Variants in SLC25A43 observed in about 807,000 individuals in gnomAD.
SLC25A43 encodes the protein solute carrier family 25, member 43.
A neutral mutation model predicts 22.8 loss-of-function variants in SLC25A43; 10 were observed. The observed-to-expected ratio is 0.44, with a 90% CI of 0.27 to 0.74. The LOEUF (loss-of-function observed/expected upper bound fraction) is 0.74, where lower values mean the gene tolerates loss of function less well. Among genes scored for constraint, SLC25A43 ranks in the 30% least tolerant of loss-of-function variants. The pLI, the probability that SLC25A43 is intolerant of heterozygous loss-of-function variation, is 0.17. For missense variants in SLC25A43, 233 were observed against 279.1 expected, an observed-to-expected ratio of 0.83 and a Z score of 1.18; for synonymous variants, 106 against 121.6, an observed-to-expected ratio of 0.87 and a Z score of 0.84.
intron 3 of SLC25A43, among the ~76,000 whole-genome samples, chrX:119,443,686 C>G (rs1221319722): frequency 4.5e-5 from 5 of 110,092 alleles, no homozygotes; most frequent in East Asian, 2.8e-4. Flanking sequence ...AGGCATAACT[C>G]AAAAGTTTCA....
chrX:119,401,097 G>A (rs1448646609), intron 1 of SLC25A43, among the ~76,000 whole-genome samples: 1 of 111,540 alleles, frequency 9.0e-6, no homozygotes, highest in East Asian at 2.8e-4. Flanking sequence ...CTCCTGCCCT[G>A]TAAGGTCCAT....
intron 3 of SLC25A43, among the ~76,000 whole-genome samples, chrX:119,415,316 C>T (rs1191029886): frequency 2.7e-5 from 3 of 111,242 alleles, no homozygotes; most frequent in Non-Finnish European, 5.7e-5. Context: ...AGCAATCCTA[C>T]CCATCTCAAA....
intron 1 of SLC25A43, among the ~76,000 whole-genome samples, chrX:119,404,558 G>A (rs1404036040): frequency 9.0e-6 from 1 of 111,690 alleles, no homozygotes; most frequent in Non-Finnish European, 1.9e-5. Flanking sequence ...CATCCAGAAG[G>A]TTCCCAAACC....
chrX:119,446,827 C>T (rs1303196988), intron 3 of SLC25A43, among the ~76,000 whole-genome samples: 1 of 112,314 alleles, frequency 8.9e-6, no homozygotes, highest in Non-Finnish European at 1.9e-5. Flanking sequence ...ATTAAAAAGA[C>T]CCAGTCCTCA....
intron 3 of SLC25A43, among the ~76,000 whole-genome samples, chrX:119,424,073 C>T (rs2052481481): frequency 9.1e-6 from 1 of 109,457 alleles, no homozygotes; most frequent in African/African-American, 3.3e-5. Context: ...ATTAGCCGGG[C>T]GTGGTGGTGG....
intron 3 of SLC25A43, among the ~76,000 whole-genome samples, chrX:119,443,116 C>CTTTTTTTTTTT: frequency 1.4e-5 from 1 of 73,457 alleles, no homozygotes; most frequent in Non-Finnish European, 2.5e-5. Flanking sequence ...CATTCTCTCT[C>CTTTTTTTTTTT]TTTTTTTTTT....
chrX:119,419,234 C>T (rs747402906), intron 3 of SLC25A43, among the ~76,000 whole-genome samples: 5 of 111,577 alleles, frequency 4.5e-5, no homozygotes, highest in African/African-American at 1.6e-4. Context: ...CTCTGCCTGA[C>T]ACCCTCCCCT....
chrX:119,452,222 C>T (rs1013378896), intron 4 of SLC25A43, 79 bp downstream of exon 4: 55 of 1,088,499 alleles, frequency 5.1e-5, no homozygotes, highest in Non-Finnish European at 6.1e-5. Context: ...CCAACCCCTA[C>T]TACAGTTTGC....
In SLC25A43 at chrX:119,453,267, C is replaced by G; in HGVS notation, c.*202C>G. On this transcript the variant is annotated 3_prime_UTR_variant, in exon 5 of 5. Transcript: ENST00000217909. ...CCTGCACTATGAGAAGGTTTCCCAA[C>G]AAGAGTGTATCATGATGGCATTCCA... 1 of 429,261 alleles carries G rather than the reference C, an allele frequency of 2.3e-6. No homozygotes were observed. Among genetic ancestry groups the G allele is most frequent in the South Asian group, 3.7e-5 (1 of 26,823 alleles). 35.4% of individuals were successfully genotyped at this position (429,261 alleles called of 1,213,427 possible).
In SLC25A43 at chrX:119,399,435, C is replaced by A. The variant is rs1392518021; in HGVS notation, c.32C>A (p.Thr11Lys). The change falls in exon 1 of 5, where the codon ACA becomes AAA. Residue 11 changes from threonine to lysine, a missense_variant. Physicochemically the swap from Thr to Lys is moderately conservative, Grantham distance 78 (BLOSUM62 -1). Transcript: ENST00000217909. ...ACGTGGAGGCGGGACGGCCGACTGACAGGCGGCCAAAGGCTGCTGTGCGCT... is the reference window on the plus strand; with the variant it reads ...ACGTGGAGGCGGGACGGCCGACTGAAAGGCGGCCAAAGGCTGCTGTGCGCT... MATWRRDGRL[T>K]GGQRLLCAGL... The A allele has an allele frequency of 2.0e-6, 2 of 1,025,439 alleles. No individual in the cohort carries two copies. The highest frequency in any genetic ancestry group is 2.8e-5 in the South Asian group (1 of 35,192). The allele number at this position is 1,025,439 out of a possible 1,213,427, so 84.5% of individuals were successfully genotyped here.
chrX:119,407,467 G>A (rs1008209327), intron 2 of SLC25A43, among the ~76,000 whole-genome samples: 39 of 111,576 alleles, frequency 3.5e-4, no homozygotes, highest in Admixed American at 3.1e-3. Flanking sequence ...CTTTTGGGGG[G>A]AAGTACTTAC....
chrX:119,424,070 G>A (rs1030572389), intron 3 of SLC25A43, among the ~76,000 whole-genome samples: 35 of 109,645 alleles, frequency 3.2e-4, no homozygotes, highest in East Asian at 5.7e-4. Flanking sequence ...AAAATTAGCC[G>A]GGCGTGGTGG....
chrX:119,433,586 T>G (rs182063074), intron 3 of SLC25A43, among the ~76,000 whole-genome samples: 2 of 112,253 alleles, frequency 1.8e-5, no homozygotes. Flanking sequence ...GTAAACTTCT[T>G]TGGAAAATTT....
At chrX:119,409,899 A>G (rs1342328161) in intron 2 of SLC25A43, among the ~76,000 whole-genome samples, 1 of 112,685 alleles carries the variant, frequency 8.9e-6, no homozygotes, top group Non-Finnish European at 1.9e-5. Context: ...TACAGGCATG[A>G]GCCACCACGC....
chrX:119,406,416 A>C (rs763303508), intron 1 of SLC25A43, 44 bp from the exon 2 acceptor site: 1 of 1,199,617 alleles, frequency 8.3e-7, no homozygotes, highest in African/African-American at 1.7e-5. Context: ...CTCTAGCACA[A>C]TCCATAGTTG....
At chrX:119,423,227 G>A (rs942536939) in intron 3 of SLC25A43, 1 of 112,252 alleles carries the variant, frequency 8.9e-6, no homozygotes, top group Non-Finnish European at 1.9e-5. Context: ...TCAAATCCAT[G>A]TTGTTCAAAG....
chrX:119,453,428 G>A lies in SLC25A43; in HGVS notation c.*363G>A, dbSNP rs1016860608. The A allele has an allele frequency of 1.1e-5, 2 of 189,685 alleles. No homozygotes were observed. The highest frequency in any genetic ancestry group is 1.9e-5 in the Non-Finnish European group (2 of 103,304). The allele number at this position is 189,685 out of a possible 1,213,427, so 15.6% of individuals were successfully genotyped here. On this transcript the variant is annotated 3_prime_UTR_variant, in exon 5 of 5. Coordinates refer to ENST00000217909, the MANE Select transcript of SLC25A43 (RefSeq NM_145305.3). ...ATTGAAGTGGCTGAGTGGATACCACGTTGTGAGGTCAGCCACTGGGTCACT... is the reference window on the plus strand; with the variant it reads ...ATTGAAGTGGCTGAGTGGATACCACATTGTGAGGTCAGCCACTGGGTCACT...
intron 3 of SLC25A43, among the ~76,000 whole-genome samples, chrX:119,418,245 CAAG>C (rs2052422760): frequency 8.9e-6 from 1 of 111,749 alleles, no homozygotes; most frequent in African/African-American, 3.2e-5. Context: ...CCAAATTCAC[CAAG>C]AAGAGAGGGC....
At position 119,454,207 on chromosome X, in the gene SLC25A43, C is replaced by CA. The variant is rs1193699591; in HGVS notation, c.*1149dup. On this transcript the variant is annotated 3_prime_UTR_variant, in exon 5 of 5. Transcript: ENST00000217909. ...AAATGGAACATTTGACACACATACT[C>CA]AAAAAAATGTAACTGACTATAAACA... The CA allele has an allele frequency of 8.9e-6, 1 of 111,981 alleles. No individual in the cohort carries two copies. The highest frequency in any genetic ancestry group is 1.9e-5 in the Non-Finnish European group (1 of 53,121). The allele number at this position is 111,981 out of a possible 1,213,427, so 9.2% of individuals were successfully genotyped here. A position where few individuals can be genotyped will look rare whatever the true frequency, so the allele number is the denominator to read the frequency against.
Sources: allele counts gnomAD v4.1 joint callset (sites outside exome capture counted in the v4.1 genomes callset), GRCh38; gene constraint gnomAD v4.1.1; transcripts MANE v1.5; gene names NCBI Gene and HGNC (gene_info 2026-07-23, HGNC 2026-07-21).